VWF: variants seen among roughly 807,000 people sequenced by gnomAD.
VWF encodes the protein von Willebrand factor.
Under a neutral mutation model 308.6 loss-of-function variants are expected in VWF, and 176 were observed. That is an observed-to-expected ratio of 0.57 (90% confidence interval 0.50 to 0.65). The LOEUF is 0.65. Among genes scored for constraint, VWF ranks in the 30% least tolerant of loss-of-function variants. VWF has a pLI of 0.00. For synonymous variants in VWF, 1,385 were observed against 1,443.4 expected (o/e 0.96, Z 0.92); for missense variants, 3,146 against 3,648.2 (o/e 0.86, Z 3.55).
At position 5,981,880 on chromosome 12, in the gene VWF, C is replaced by A; in HGVS notation, c.7193G>T (p.Cys2398Phe). ...GGGACAGCTCACTGTGGAGTTGACACAGTTGCAGGCACACTCATACTCATC... is the reference window on the plus strand; with the variant it reads ...GGGACAGCTCACTGTGGAGTTGACAAAGTTGCAGGCACACTCATACTCATC... ...CCDEYECACN[C>F]VNSTVSCPLG... The change falls in exon 42 of 52, where the codon TGT becomes TTT. Residue 2398 changes from cysteine (C) to phenylalanine (F), a missense_variant. Transcript: ENST00000261405. 1 of 1,613,432 alleles carries A rather than the reference C, an allele frequency of 6.2e-7. No homozygotes were observed. The highest frequency in any genetic ancestry group is 8.5e-7 in the Non-Finnish European group (1 of 1,179,916).
chr12:5,995,979 G>T lies in VWF; in HGVS notation c.6063+23C>A, dbSNP rs1488850419. ...CCTGACATTCTATTGCCTTACCACG[G>T]ATCCACAGAAAGTACTTCTCACCTC... On this transcript the variant is annotated intron_variant, in intron 35 of 51. Transcript: ENST00000261405. 4.4e-6 allele frequency: 7 copies of T among 1,608,576 alleles called. No homozygotes were observed. The Admixed American group carries it at 1.2e-4, about 27-fold the overall frequency.
rs144286287 is a variant in VWF at position 6,043,686 on chromosome 12, C to A, written c.2442+605G>T. Among the ~76,000 whole-genome samples the A allele has an allele frequency of 3.7e-4, 57 of 152,344 alleles. No homozygotes were observed. In the East Asian group the frequency reaches 5.6e-3, roughly 15 times the overall value. On this transcript the variant is annotated intron_variant, in intron 18 of 51. Transcript: ENST00000261405. ...ATAGGAGCCAGGAGTCGCAAACCAGCACGGCCTTGGATGCACGGCCTCCAT... is the reference window on the plus strand; with the variant it reads ...ATAGGAGCCAGGAGTCGCAAACCAGAACGGCCTTGGATGCACGGCCTCCAT...
chr12:5,991,860 C>T lies in VWF; in HGVS notation c.6757G>A (p.Ala2253Thr). The T allele has an allele frequency of 6.2e-7, 1 of 1,614,236 alleles. No individual in the cohort carries two copies. Among genetic ancestry groups the T allele is most frequent in the Non-Finnish European group, 8.5e-7 (1 of 1,180,048 alleles). Reference sequence around the variant, plus strand: ...TCCTCACCAATGCACTGAGTGCAGGCCTCTTCAGGGACACAGCTGCCTTCC... The same window carrying T: ...TCCTCACCAATGCACTGAGTGCAGGTCTCTTCAGGGACACAGCTGCCTTCC... ...MLEGSCVPEE[A>T]CTQCIGEDGV... Residue 2253 changes from alanine to threonine, a missense_variant, in exon 38 of 52, where the codon GCC (alanine) becomes ACC (threonine). Coordinates refer to ENST00000261405, the MANE Select transcript of VWF (RefSeq NM_000552.5).
intron 38 of VWF, among the ~76,000 whole-genome samples, chr12:5,989,849 C>A (rs1293869024): frequency 6.6e-6 from 1 of 152,212 alleles, no homozygotes; most frequent in Non-Finnish European, 1.5e-5. Context: ...TCATTTCTGT[C>A]TCCTTCTGAG....
Position 5,968,021 on chromosome 12 carries a change from C to T in VWF, c.7770+106G>A, listed in dbSNP as rs1442045411. On this transcript the variant is annotated intron_variant, in intron 46 of 51. Coordinates refer to ENST00000261405, the MANE Select transcript of VWF (RefSeq NM_000552.5). ...AGTGGAAAGCTGGGGTTGGGTCTCT[C>T]TGGTTTCCTTCATTTCTGCTTTACA... The T allele has an allele frequency of 2.0e-6, 3 of 1,522,740 alleles. No homozygotes were observed. The African/African-American group carries it at 4.1e-5, about 21-fold the overall frequency. The allele number at this position is 1,522,740 out of a possible 1,614,324, so 94.3% of individuals were successfully genotyped here.
In VWF at chr12:6,042,015, A is replaced by T. The variant is rs191197750; in HGVS notation, c.2442+2276T>A. 4.9e-4 allele frequency among the ~76,000 whole-genome samples: 75 copies of T among 152,300 alleles called. No individual in the cohort carries two copies. In the East Asian group the frequency reaches 0.013, roughly 27 times the overall value. On this transcript the variant is annotated intron_variant, in intron 18 of 51. Coordinates refer to ENST00000261405, the MANE Select transcript of VWF (RefSeq NM_000552.5). ...AACTCTCTGGCTTTAAAGTGCTTTC[A>T]CACACATCTCCTTGGGGCCCACAGC...
At chr12:6,073,324 A>T (rs897825182) in intron 8 of VWF, among the ~76,000 whole-genome samples, 5 of 152,194 alleles carry the variant, frequency 3.3e-5, no homozygotes, top group African/African-American at 1.2e-4. Context: ...TTGAGAAAAC[A>T]GCTCAGCTCA....
At chr12:6,004,562 C>T (rs1943906939) in intron 34 of VWF, among the ~76,000 whole-genome samples, 1 of 151,734 alleles carries the variant, frequency 6.6e-6, no homozygotes, top group Non-Finnish European at 1.5e-5. Flanking sequence ...ATTGGAGGCA[C>T]AAAAATTGAC....
chr12:6,095,622 A>T (rs750326788), intron 5 of VWF, 38 bp from the exon 6 acceptor site: 2 of 1,613,750 alleles, frequency 1.2e-6, no homozygotes, highest in Admixed American at 3.3e-5. Flanking sequence ...TGCTTCAGTT[A>T]TGCCTGTCCC....
At chr12:5,949,963 G>T in intron 50 of VWF, 80 bp from the exon 51 acceptor site, 1 of 1,330,662 alleles carries the variant, frequency 7.5e-7, no homozygotes. Context: ...GCCCTCACTG[G>T]GCTGGAAATA....
At chr12:6,077,923 T>C (rs571046334) in intron 6 of VWF, among the ~76,000 whole-genome samples, 1 of 152,278 alleles carries the variant, frequency 6.6e-6, no homozygotes, top group South Asian at 2.1e-4. Flanking sequence ...CTAAGCTGTT[T>C]ACTCAACCCC....
At chr12:5,985,735 C>T in intron 38 of VWF, 70 bp from the exon 39 acceptor site, 1 of 1,457,368 alleles carries the variant, frequency 6.9e-7, no homozygotes, top group Non-Finnish European at 9.5e-7. Flanking sequence ...TCACAGAGGT[C>T]AGCTCTCCCT....
At chr12:6,040,956 G>A (rs1227284093) in intron 18 of VWF, among the ~76,000 whole-genome samples, 1 of 152,322 alleles carries the variant, frequency 6.6e-6, no homozygotes, top group Non-Finnish European at 1.5e-5. Flanking sequence ...CTGAGAACAG[G>A]GCTGCTCAAA....
At chr12:6,068,384 G>C (rs939159537) in intron 10 of VWF, among the ~76,000 whole-genome samples, 3 of 151,858 alleles carry the variant, frequency 2.0e-5, no homozygotes, top group Non-Finnish European at 4.4e-5. Context: ...CCAACCCACA[G>C]GCCTTTAGCA....
chr12:5,984,246 G>A (rs897240489), intron 40 of VWF, among the ~76,000 whole-genome samples: 2 of 152,180 alleles, frequency 1.3e-5, no homozygotes, highest in Admixed American at 1.3e-4. Flanking sequence ...TATAAAATGA[G>A]GGGCTTGAAG....
rs1945237126 is a variant in VWF, at chr12:6,105,808, G to A, written c.532+4566C>T. Among the ~76,000 whole-genome samples, 3 of 151,974 alleles carry A rather than the reference G, an allele frequency of 2.0e-5. No homozygotes were observed. The South Asian group carries it at 6.2e-4, about 32-fold the overall frequency. On this transcript the variant is annotated intron_variant, in intron 5 of 51. Coordinates refer to ENST00000261405, the MANE Select transcript of VWF (RefSeq NM_000552.5). ...TCCCAGCACTCTGGGAGGCCAAGGT[G>A]GGCAGATCAAGAGGTCAAGAGATGG...
At chr12:6,062,884 T>C in intron 13 of VWF, 70 bp downstream of exon 13, 1 of 1,314,682 alleles carries the variant, frequency 7.6e-7, no homozygotes. Flanking sequence ...AAAGCCATTC[T>C]ACCCAGAGCA....
chr12:5,951,047 T>G (rs746176824), intron 50 of VWF, among the ~76,000 whole-genome samples: 30 of 151,356 alleles, frequency 2.0e-4, no homozygotes, highest in Non-Finnish European at 1.3e-4. Context: ...TAAACAAGCA[T>G]GGACCTGTGA....
chr12:6,088,955 G>A (rs1263857948), intron 6 of VWF, among the ~76,000 whole-genome samples: 1 of 152,202 alleles, frequency 6.6e-6, no homozygotes, highest in Non-Finnish European at 1.5e-5. Context: ...CTCTCAGAAT[G>A]AGCTGACTCC....
Sources: gnomAD v4.1 joint callset for allele counts (sites outside exome capture counted in the v4.1 genomes callset) on GRCh38, gnomAD v4.1.1 for gene constraint, MANE v1.5 for transcripts, NCBI Gene and HGNC (gene_info 2026-07-23, HGNC 2026-07-21) for gene names.